Variants in KCNIP4 observed in about 807,000 individuals in gnomAD.
KCNIP4 encodes potassium voltage-gated channel interacting protein 4, also known as Kv channel-interacting protein 4.
KCNIP4 carries 12 observed loss-of-function variants against 34.0 expected under a neutral mutation model. The ratio of observed to expected loss-of-function variants is 0.35; its 90% CI spans 0.23 to 0.57. The LOEUF is 0.57. Among genes scored for constraint, KCNIP4 ranks in the 20% least tolerant of loss-of-function variants. The pLI is 0.83. For missense variants in KCNIP4, 238 were observed against 311.7 expected (o/e 0.76, Z 1.78); for synonymous variants, 124 against 102.2 (o/e 1.21, Z -1.29).
chr4:21,938,280 T>C (rs1560191544), intron 1 of KCNIP4, among the ~76,000 whole-genome samples: 1 of 152,162 alleles, frequency 6.6e-6, no homozygotes, highest in Non-Finnish European at 1.5e-5. Context: ...TACAGGGCTT[T>C]TGAAGTTCTA....
At chr4:20,823,224 G>A (rs1040684304) in intron 3 of KCNIP4, among the ~76,000 whole-genome samples, 8 of 152,120 alleles carry the variant, frequency 5.3e-5, no homozygotes, top group Admixed American at 2.0e-4. Context: ...TATGACTGGC[G>A]CATAGAATGT....
intron 5 of KCNIP4, among the ~76,000 whole-genome samples, chr4:20,746,459 C>T (rs374206791): frequency 1.3e-5 from 2 of 151,802 alleles, no homozygotes; most frequent in East Asian, 1.9e-4. Flanking sequence ...CACCATGGCA[C>T]GTGTATACCT....
chr4:21,732,370 A>T (rs180812235), intron 1 of KCNIP4, among the ~76,000 whole-genome samples: 3 of 152,316 alleles, frequency 2.0e-5, no homozygotes, highest in Admixed American at 6.5e-5. Flanking sequence ...GTGATTGCCC[A>T]TCTCTCCTTA....
chr4:21,435,437 T>G (rs1726864943), intron 1 of KCNIP4, among the ~76,000 whole-genome samples: 1 of 152,206 alleles, frequency 6.6e-6, no homozygotes, highest in Admixed American at 6.5e-5. Flanking sequence ...ATCCATGTTT[T>G]GAGCTGCTGT....
intron 1 of KCNIP4, among the ~76,000 whole-genome samples, chr4:21,737,287 T>C (rs1357906913): frequency 6.6e-6 from 1 of 152,184 alleles, no homozygotes; most frequent in Non-Finnish European, 1.5e-5. Context: ...TCACTGTTTT[T>C]CTAGTATTTC....
Position 21,256,148 on chromosome 4 carries a change from G to A in KCNIP4, c.62-373439C>T, listed in dbSNP as rs142858344. The stretch of plus-strand genomic sequence containing the variant: ...CTACTTCTATGTGGAAATGACGTTA[G>A]TCCAAGTCCTAAATGATGACAAGAA... On this transcript the variant is annotated intron_variant, in intron 1 of 8. Transcript: ENST00000382152. Among the ~76,000 whole-genome samples the A allele has an allele frequency of 4.6e-3, 704 of 152,300 alleles. 11 individuals are homozygous for A. Among genetic ancestry groups the A allele is most frequent in the African/African-American group, 0.016 (665 of 41,560 alleles).
intron 1 of KCNIP4, among the ~76,000 whole-genome samples, chr4:21,664,666 C>T (rs1036057329): frequency 6.6e-6 from 1 of 152,090 alleles, no homozygotes; most frequent in Non-Finnish European, 1.5e-5. Context: ...TTTGCTTAAT[C>T]TCCTGTCTCT....
At chr4:21,863,908 T>C (rs1026570073) in intron 1 of KCNIP4, among the ~76,000 whole-genome samples, 1 of 152,180 alleles carries the variant, frequency 6.6e-6, no homozygotes, top group Non-Finnish European at 1.5e-5. Context: ...CGGTTTTCCT[T>C]GGCAAATGCA....
chr4:21,657,124 T>C lies in KCNIP4; in HGVS notation c.61+291447A>G, dbSNP rs1748023296. ...TAACAGTAATAATAGCTGAGAAATA[T>C]TAACCACCCTGAGTAGTCATGTGGC... On this transcript the variant is annotated intron_variant, in intron 1 of 8. Coordinates refer to ENST00000382152, the MANE Select transcript of KCNIP4 (RefSeq NM_025221.6). 2.6e-5 allele frequency among the ~76,000 whole-genome samples: 4 copies of C among 152,188 alleles called. No individual in the cohort carries two copies. The South Asian group carries it at 8.3e-4, about 31-fold the overall frequency.
chr4:20,946,943 C>A (rs1444975768), intron 1 of KCNIP4, among the ~76,000 whole-genome samples: 1 of 152,122 alleles, frequency 6.6e-6, no homozygotes, highest in Admixed American at 6.6e-5. Context: ...GAATAAGAAT[C>A]TTTGAGGATG....
intron 1 of KCNIP4, among the ~76,000 whole-genome samples, chr4:21,726,916 C>A (rs962107186): frequency 6.6e-6 from 1 of 152,074 alleles, no homozygotes; most frequent in Non-Finnish European, 1.5e-5. Flanking sequence ...TAGATTCTTC[C>A]ATTATTATGA....
At chr4:21,678,455 G>A (rs1310175756) in intron 1 of KCNIP4, among the ~76,000 whole-genome samples, 1 of 152,122 alleles carries the variant, frequency 6.6e-6, no homozygotes, top group Admixed American at 6.5e-5. Context: ...TGTAACTGCT[G>A]TGTTTAGAAT....
chr4:20,811,862 A>G (rs1183490756), intron 3 of KCNIP4, among the ~76,000 whole-genome samples: 5 of 152,212 alleles, frequency 3.3e-5, no homozygotes, highest in African/African-American at 1.2e-4. Context: ...AATGAGGCAG[A>G]GATGGAGAAG....
intron 1 of KCNIP4, among the ~76,000 whole-genome samples, chr4:21,410,896 A>C (rs1724438715): frequency 6.6e-6 from 1 of 152,148 alleles, no homozygotes; most frequent in Non-Finnish European, 1.5e-5. Context: ...CTTGGCAATA[A>C]TGGTCTGGCA....
intron 1 of KCNIP4, among the ~76,000 whole-genome samples, chr4:21,871,922 G>A (rs1455724092): frequency 6.6e-6 from 1 of 151,666 alleles, no homozygotes; most frequent in Non-Finnish European, 1.5e-5. Flanking sequence ...CTCCCCTGCT[G>A]CAAAACCACA....
intron 1 of KCNIP4, among the ~76,000 whole-genome samples, chr4:21,538,011 CAAAAAAAAAAAAA>C (rs71191517): frequency 5.9e-5 from 3 of 51,240 alleles, no homozygotes; most frequent in East Asian, 5.4e-4. Context: ...GATTCCGTCT[CAAAAAAAAAAAAA>C]AAAAAAAAAA....
chr4:21,924,325 G>T (rs1439793112), intron 1 of KCNIP4, among the ~76,000 whole-genome samples: 4 of 145,636 alleles, frequency 2.7e-5, no homozygotes, highest in Admixed American at 7.1e-5. Context: ...CTCACCGCAA[G>T]CTCTGCCTCC....
intron 1 of KCNIP4, among the ~76,000 whole-genome samples, chr4:20,970,371 G>A (rs1047177157): frequency 2.6e-5 from 4 of 151,976 alleles, no homozygotes; most frequent in Non-Finnish European, 4.4e-5. Context: ...CAACACTCAG[G>A]TTTCATTTCC....
At chr4:21,018,310 G>A (rs983849350) in intron 1 of KCNIP4, among the ~76,000 whole-genome samples, 5 of 152,050 alleles carry the variant, frequency 3.3e-5, no homozygotes, top group African/African-American at 1.2e-4. Flanking sequence ...CTTCTGAGAT[G>A]GTATATATTA....
Sources: allele counts gnomAD v4.1 joint callset (sites outside exome capture counted in the v4.1 genomes callset), GRCh38; gene constraint gnomAD v4.1.1; transcripts MANE v1.5; gene names NCBI Gene and HGNC (gene_info 2026-07-23, HGNC 2026-07-21).